EPHA1: variants seen among roughly 807,000 people sequenced by gnomAD.
EPHA1 encodes the protein EPH receptor A1, also known as ephrin type-A receptor 1.
Under a neutral mutation model 110.1 loss-of-function variants are expected in EPHA1, and 92 were observed. The ratio of observed to expected loss-of-function variants is 0.84; its 90% CI spans 0.71 to 0.99. The LOEUF is 0.99. EPHA1 is among the 50% of genes least tolerant of loss of function. EPHA1 has a pLI of 0.00. For synonymous variants in EPHA1, 500 were observed against 516.1 expected, an observed-to-expected ratio of 0.97 and a Z score of 0.42; for missense variants, 1,204 against 1,285.4, an observed-to-expected ratio of 0.94 and a Z score of 0.97.
Position 143,394,327 on chromosome 7 carries a change from A to G in EPHA1, c.2369T>C (p.Ile790Thr), listed in dbSNP as rs753768975. The G allele has an allele frequency of 3.2e-5, 52 of 1,613,906 alleles. No individual in the cohort carries two copies. Among genetic ancestry groups the G allele is most frequent in the Admixed American group, 8.3e-5 (5 of 60,002 alleles). ...AATGGCTTCAGGGGCTGTCCAACGG[A>G]TAGGGATCTTTCCTCCCTAAGAAGG... ...TYETQGGKIP[I>T]RWTAPEAIAH... Residue 790 changes from isoleucine to threonine, a missense_variant, in exon 15 of 18, where the codon ATC (isoleucine) becomes ACC (threonine). Transcript: ENST00000275815.
Position 143,408,703 on chromosome 7 carries a change from CGCGGGG to C in EPHA1, c.82+15_82+20del. The C allele has an allele frequency of 2.3e-6, 1 of 432,532 alleles. No homozygotes were observed. Among genetic ancestry groups the C allele is most frequent in the Non-Finnish European group, 3.0e-6 (1 of 328,398 alleles). 26.8% of individuals were successfully genotyped at this position (432,532 alleles called of 1,614,324 possible). A position where few individuals can be genotyped will look rare whatever the true frequency, so the allele number is the denominator to read the frequency against. ...AGGGGCGGGGCGCGGGGGTTGGGGG[CGCGGGG>C]GCGGGGGTCGGTACCTTCCTTGGCG... On this transcript the variant is annotated intron_variant, in intron 1 of 17. Coordinates refer to ENST00000275815, the MANE Select transcript of EPHA1 (RefSeq NM_005232.5).
In EPHA1 at chr7:143,395,368, G is replaced by A; in HGVS notation, c.2034C>T (p.Gly678=). The change falls in exon 12 of 18, where the codon GGC becomes GGT. Residue 678 remains glycine (G), a synonymous_variant. Coordinates refer to ENST00000275815, the MANE Select transcript of EPHA1 (RefSeq NM_005232.5). This position sits in a 1 kb window ranked among gnomAD's most constrained non-coding sequence, Gnocchi z 4.7. ...WNFLREATIM[G]QFSHPHILHL... is the part of the protein sequence containing the mutation. ...GCAGAATATGCGGGTGGCTAAACTG[G>A]CCCATGATAGTTGCCTCTCGAAGGA... is the stretch of plus-strand genomic sequence containing the variant. 6 of 1,614,210 alleles carry A rather than the reference G, an allele frequency of 3.7e-6. No homozygotes were observed. The highest frequency in any genetic ancestry group is 4.2e-6 in the Non-Finnish European group (5 of 1,180,046).
At chr7:143,407,490 T>A in intron 2 of EPHA1, 121 bp downstream of exon 2, 139 of 640,632 alleles carry the variant, frequency 2.2e-4, no homozygotes, top group Middle Eastern at 6.0e-4. Context: ...CCTCTCCCCC[T>A]CCCTGAGGAG....
intron 5 of EPHA1, 52 bp downstream of exon 5, chr7:143,399,206 C>T (rs1229263540): frequency 3.2e-6 from 5 of 1,578,460 alleles, no homozygotes; most frequent in Non-Finnish European, 4.3e-6. Context: ...AAAGTCTCAG[C>T]AAAGATCCAG....
In EPHA1 at chr7:143,395,191, C is replaced by G. The variant is rs749879930; in HGVS notation, c.2084-9G>C. 6 of 1,613,436 alleles carry G rather than the reference C, an allele frequency of 3.7e-6. No individual in the cohort carries two copies. Among genetic ancestry groups the G allele is most frequent in the Non-Finnish European group, 5.1e-6 (6 of 1,180,042 alleles). ...GATCATGATCGGCTTTCCTGAGACACAGACACACATATCACACTCAGAACC... is the reference window on the plus strand; with the variant it reads ...GATCATGATCGGCTTTCCTGAGACAGAGACACACATATCACACTCAGAACC... On this transcript the variant is annotated splice_polypyrimidine_tract_variant and intron_variant, in intron 12 of 17. Transcript: ENST00000275815. This position sits in a 1 kb window ranked among gnomAD's most constrained non-coding sequence, Gnocchi z 4.7.
In EPHA1 at chr7:143,393,984, C is replaced by T; in HGVS notation, c.2503-120G>A. ...CCTAGGATGGGAGGAGGTGGGAGGA[C>T]CAGGGTGGGACGATCACAGTGGGAG... On this transcript the variant is annotated intron_variant, in intron 15 of 17. Transcript: ENST00000275815. The surrounding 1 kb of genome is among the most constrained non-coding windows in gnomAD (Gnocchi z 5.6). The T allele has an allele frequency of 7.7e-7, 1 of 1,302,046 alleles. No individual in the cohort carries two copies. Among genetic ancestry groups the T allele is most frequent in the Non-Finnish European group, 1.0e-6 (1 of 959,390 alleles). 80.7% of individuals were successfully genotyped at this position (1,302,046 alleles called of 1,614,324 possible). A position where few individuals can be genotyped will look rare whatever the true frequency, so the allele number is the denominator to read the frequency against.
Position 143,407,693 on chromosome 7 carries a change from A to G in EPHA1, c.83-15T>C, listed in dbSNP as rs769952584. 1.2e-6 allele frequency: 2 copies of G among 1,612,494 alleles called. No homozygotes were observed. Among genetic ancestry groups the G allele is most frequent in the East Asian group, 4.5e-5 (2 of 44,752 alleles). On this transcript the variant is annotated splice_polypyrimidine_tract_variant and intron_variant, in intron 1 of 17. Coordinates refer to ENST00000275815, the MANE Select transcript of EPHA1 (RefSeq NM_005232.5). Reference sequence around the variant, plus strand: ...CATCAGAGTAACTGAAAGTGGGGAGAAAAGAAGTCTGTCACCTCTGGGGGA... The same window carrying G: ...CATCAGAGTAACTGAAAGTGGGGAGGAAAGAAGTCTGTCACCTCTGGGGGA...
intron 1 of EPHA1, 111 bp from the exon 2 acceptor site, chr7:143,407,789 A>C: frequency 1.1e-6 from 1 of 922,578 alleles, no homozygotes; most frequent in Non-Finnish European, 1.7e-6. Flanking sequence ...CTGTTCCTAA[A>C]AGCTGTGACT....
Position 143,397,640 on chromosome 7 carries a change from C to T in EPHA1, c.1633G>A (p.Gly545Arg), listed in dbSNP as rs1805295704. The change falls in exon 9 of 18, where the codon GGA (glycine) becomes AGA (arginine). Residue 545 changes from glycine (G) to arginine (R), a missense_variant. Transcript: ENST00000275815. ...AAGATGACGGCTACAATCTCTCCTC[C>T]AGTCAGGCCCCTGGACACTGTAGGC... The part of the protein sequence containing the change: ...TSPPVSRGLT[G>R]GEIVAVIFGL... 1 of 1,614,196 alleles carries T rather than the reference C, an allele frequency of 6.2e-7. No homozygotes were observed. Among genetic ancestry groups the T allele is most frequent in the South Asian group, 1.1e-5 (1 of 91,084 alleles).
At chr7:143,405,112 C>T (rs1463360223) in intron 2 of EPHA1, among the ~76,000 whole-genome samples, 3 of 151,976 alleles carry the variant, frequency 2.0e-5, no homozygotes, top group Admixed American at 2.0e-4. Context: ...GGCAAGGAAG[C>T]TGGAATGAAA....
At position 143,393,564 on chromosome 7, in the gene EPHA1, G is replaced by T; in HGVS notation, c.2696+107C>A. 7.8e-7 allele frequency: 1 copy of T among 1,276,706 alleles called. No homozygotes were observed. Among genetic ancestry groups the T allele is most frequent in the Non-Finnish European group, 1.1e-6 (1 of 927,246 alleles). The allele number at this position is 1,276,706 out of a possible 1,614,324, so 79.1% of individuals were successfully genotyped here. A position where few individuals can be genotyped will look rare whatever the true frequency, so the allele number is the denominator to read the frequency against. On this transcript the variant is annotated intron_variant, in intron 16 of 17. Coordinates refer to ENST00000275815, the MANE Select transcript of EPHA1 (RefSeq NM_005232.5). The surrounding 1 kb of genome is among the most constrained non-coding windows in gnomAD (Gnocchi z 5.6). ...ACGTCTTGCCTCATACACTGGACTT[G>T]GTCCAGAGCTCCCCAGGCCCAGCGC...
In EPHA1 at chr7:143,393,852, T is replaced by G; in HGVS notation, c.2515A>C (p.Ile839Leu). 1.3e-6 allele frequency: 2 copies of G among 1,567,068 alleles called. No homozygotes were observed. Among genetic ancestry groups the G allele is most frequent in the Non-Finnish European group, 1.7e-6 (2 of 1,153,412 alleles). ...EMSNQEVMKS[I>L]EDGYRLPPPV... ...GGGGGCAACCGGTACCCATCCTCAA[T>G]GCTCTTCATAACCTGCACGGCGGGA... The change falls in exon 16 of 18, where the codon ATT (isoleucine) becomes CTT (leucine). Residue 839 changes from isoleucine (I) to leucine (L), a missense_variant. Ile to Leu is a conservative substitution (Grantham distance 5, BLOSUM62 2). Transcript: ENST00000275815. This position sits in a 1 kb window ranked among gnomAD's most constrained non-coding sequence, Gnocchi z 5.6.
In EPHA1 at chr7:143,394,816, C is replaced by T. The variant is rs1454804041; in HGVS notation, c.2344G>A (p.Glu782Lys). 6.8e-6 allele frequency: 11 copies of T among 1,614,042 alleles called. No homozygotes were observed. In the South Asian group the frequency reaches 8.8e-5, roughly 13 times the overall value. ...TTGTACCGGCCTCTAACCTGGGTTT[C>T]GTATGTGCCATCAAAGTCATCCAGG... ...RLLDDFDGTYETQGGKIPIRW... is the reference protein window; with the variant it reads ...RLLDDFDGTYKTQGGKIPIRW... The change falls in exon 14 of 18, where the codon GAA becomes AAA. Residue 782 changes from glutamate (E) to lysine (K), a missense_variant. By Grantham distance (56) the Glu-to-Lys change is moderately conservative. Transcript: ENST00000275815.
intron 11 of EPHA1, among the ~76,000 whole-genome samples, chr7:143,396,031 G>A (rs568972017): frequency 2.0e-5 from 3 of 152,346 alleles, no homozygotes; most frequent in Admixed American, 1.3e-4. Flanking sequence ...CCAGGCTAGG[G>A]AGGGAATGAG....
Position 143,399,996 on chromosome 7 carries a change from C to A in EPHA1, c.490G>T (p.Val164Leu), listed in dbSNP as rs143405612. The change falls in exon 4 of 18, where the codon GTG becomes TTG. Residue 164 changes from valine to leucine, a missense_variant. Coordinates refer to ENST00000275815, the MANE Select transcript of EPHA1 (RefSeq NM_005232.5). ...FTIRDLVSGSVKLNVERCSLG... is the reference protein window; with the variant it reads ...FTIRDLVSGSLKLNVERCSLG... ...GAGCAGCGCTCCACATTCAGCTTCA[C>A]GGAGCCAGACACAAGGTCTCGAATG... 2.5e-6 allele frequency: 4 copies of A among 1,613,788 alleles called. No individual in the cohort carries two copies. Among genetic ancestry groups the A allele is most frequent in the African/African-American group, 1.3e-5 (1 of 75,064 alleles).
rs974497444 is a variant in EPHA1 at position 143,393,067 on chromosome 7, C to T, written c.2696+604G>A. ...TGGCTGCTATTCCTAAACACAATGC[C>T]GCAGCCATCCTGCACTATCTGCAAC... On this transcript the variant is annotated intron_variant, in intron 16 of 17. Transcript: ENST00000275815. The surrounding 1 kb of genome is among the most constrained non-coding windows in gnomAD (Gnocchi z 5.6). 1.3e-5 allele frequency among the ~76,000 whole-genome samples: 2 copies of T among 152,122 alleles called. No individual in the cohort carries two copies. The highest frequency in any genetic ancestry group is 2.9e-5 in the Non-Finnish European group (2 of 68,038).
intron 2 of EPHA1, 50 bp downstream of exon 2, chr7:143,407,561 C>A (rs760604048): frequency 1.3e-6 from 2 of 1,582,954 alleles, no homozygotes; most frequent in East Asian, 4.5e-5. Flanking sequence ...ACCCCATTTC[C>A]CACTGGCCTT....
chr7:143,396,271 G>C (rs1172620672), intron 11 of EPHA1, 114 bp downstream of exon 11: 38 of 1,394,636 alleles, frequency 2.7e-5, no homozygotes, highest in Non-Finnish European at 2.8e-5. Flanking sequence ...GAAACTCTTG[G>C]ACCAGAGAAG....
Position 143,395,130 on chromosome 7 carries a change from G to C in EPHA1, c.2136C>G (p.Ala712=), listed in dbSNP as rs1805208437. ...CCTCTGCCCTCCTCACCCTCAGGAA[G>C]GCATCCAGGGCTCCATTCTCCATAA... ...TEFMENGALD[A]FLREREDQLV... Residue 712 remains alanine, a synonymous_variant, in exon 13 of 18, where the codon GCC becomes GCG. Transcript: ENST00000275815. The surrounding 1 kb of genome is among the most constrained non-coding windows in gnomAD (Gnocchi z 4.7). 6.2e-7 allele frequency: 1 copy of C among 1,613,944 alleles called. No individual in the cohort carries two copies.
Sources: allele counts gnomAD v4.1 joint callset (sites outside exome capture counted in the v4.1 genomes callset), GRCh38; gene constraint gnomAD v4.1.1; non-coding constraint Gnocchi (gnomAD v3.1); transcripts MANE v1.5; gene names NCBI Gene and HGNC (gene_info 2026-07-23, HGNC 2026-07-21).